SAMD12: variants seen among roughly 807,000 people sequenced by gnomAD.
SAMD12 encodes the protein sterile alpha motif domain containing 12, also known as sterile alpha motif domain-containing protein 12.
Under a neutral mutation model 15.0 loss-of-function variants are expected in SAMD12, and 9 were observed. The ratio of observed to expected loss-of-function variants is 0.60; its 90% CI spans 0.36 to 1.05. The LOEUF (loss-of-function observed/expected upper bound fraction) is 1.05. Among genes scored for constraint, SAMD12 ranks in the 50% least tolerant of loss-of-function variants. SAMD12 has a pLI of 0.01. For synonymous variants in SAMD12, 86 were observed against 90.1 expected (o/e 0.96, Z 0.25); for missense variants, 230 against 234.2 (o/e 0.98, Z 0.12).
intron 4 of SAMD12, among the ~76,000 whole-genome samples, chr8:118,309,356 T>G (rs1815512790): frequency 6.9e-6 from 1 of 144,298 alleles, no homozygotes; most frequent in East Asian, 1.9e-4. Context: ...TATTCAATGG[T>G]GTATATATAT....
intron 2 of SAMD12, among the ~76,000 whole-genome samples, chr8:118,450,381 C>A (rs1167404901): frequency 1.3e-5 from 2 of 152,144 alleles, no homozygotes; most frequent in Non-Finnish European, 2.9e-5. Context: ...GAGAGGATCA[C>A]ACTGTACTTT....
Position 118,356,427 on chromosome 8 carries a change from G to A in SAMD12, c.433+23133C>T, listed in dbSNP as rs183114149. 5.3e-5 allele frequency among the ~76,000 whole-genome samples: 8 copies of A among 152,246 alleles called. No homozygotes were observed. The East Asian group carries it at 1.2e-3, about 22-fold the overall frequency. On this transcript the variant is annotated intron_variant, in intron 4 of 4. Coordinates refer to the SAMD12 transcript ENST00000409003. ...GCTTTTCCCTCTCAAGCCCTTTTCT[G>A]ATATTCATGCGAACAAACCTTCATG... is the stretch of plus-strand genomic sequence containing the variant.
At chr8:118,407,710 T>G (rs899331537) in intron 3 of SAMD12, among the ~76,000 whole-genome samples, 5 of 152,186 alleles carry the variant, frequency 3.3e-5, no homozygotes, top group Non-Finnish European at 5.9e-5. Flanking sequence ...TTCCCATTGC[T>G]GCTTCCAGAT....
intron 4 of SAMD12, among the ~76,000 whole-genome samples, chr8:118,202,610 T>C (rs1457240936): frequency 6.6e-6 from 1 of 151,996 alleles, no homozygotes; most frequent in Non-Finnish European, 1.5e-5. Context: ...GAAGGATTGT[T>C]GTGTGTGGAG....
the SAMD12 span, among the ~76,000 whole-genome samples, chr8:118,152,460 C>CTTCT: frequency 1.4e-5 from 1 of 69,260 alleles, no homozygotes; most frequent in African/African-American, 4.0e-5. Context: ...CCCTCCCTAC[C>CTTCT]TTCCTTCCTT....
chr8:118,468,054 T>C (rs1236764323), intron 2 of SAMD12, among the ~76,000 whole-genome samples: 1 of 152,134 alleles, frequency 6.6e-6, no homozygotes, highest in African/African-American at 2.4e-5. Context: ...AAACCACAAA[T>C]CTTACTTTGT....
At chr8:118,558,714 A>G (rs1040865390) in intron 2 of SAMD12, among the ~76,000 whole-genome samples, 5 of 151,952 alleles carry the variant, frequency 3.3e-5, no homozygotes, top group African/African-American at 7.3e-5. Flanking sequence ...GCGTGCCACC[A>G]CGCCCGGCTA....
intron 4 of SAMD12, among the ~76,000 whole-genome samples, chr8:118,369,096 C>T (rs1818946427): frequency 6.6e-6 from 1 of 152,130 alleles, no homozygotes; most frequent in Non-Finnish European, 1.5e-5. Context: ...ATCTCTAGTA[C>T]CTCACACAAA....
chr8:118,165,236 G>A, the SAMD12 span, among the ~76,000 whole-genome samples: 7 of 152,158 alleles, frequency 4.6e-5, no homozygotes, highest in South Asian at 1.5e-3. Flanking sequence ...ATGATGATTT[G>A]CTAGAATGTC....
intron 4 of SAMD12, among the ~76,000 whole-genome samples, chr8:118,265,906 TAA>T (rs1813184991): frequency 6.6e-6 from 1 of 152,052 alleles, no homozygotes; most frequent in Admixed American, 6.6e-5. Context: ...TCATACAATA[TAA>T]GACAATAAGG....
In SAMD12 at chr8:118,597,424, G is replaced by A. The variant is rs973069806; in HGVS notation, c.14-16531C>T. On this transcript the variant is annotated intron_variant, in intron 1 of 3. Coordinates refer to ENST00000314727, the MANE Select transcript of SAMD12 (RefSeq NM_207506.3). ...GTGACAAAACTCTGGTAATGTCAGTGAGGATTTAGAGAAACAGATGTTTGA... is the reference window on the plus strand; with the variant it reads ...GTGACAAAACTCTGGTAATGTCAGTAAGGATTTAGAGAAACAGATGTTTGA... Among the ~76,000 whole-genome samples, 3 of 152,346 alleles carry A rather than the reference G, an allele frequency of 2.0e-5. No individual in the cohort carries two copies. The East Asian group carries it at 5.8e-4, about 29-fold the overall frequency.
At chr8:118,299,563 CA>C (rs1814907991) in intron 4 of SAMD12, among the ~76,000 whole-genome samples, 1 of 152,100 alleles carries the variant, frequency 6.6e-6, no homozygotes, top group Non-Finnish European at 1.5e-5. Context: ...TAGAGGGAAG[CA>C]AGGCAGAGCT....
At chr8:118,515,400 C>T (rs1825214337) in intron 2 of SAMD12, among the ~76,000 whole-genome samples, 2 of 152,012 alleles carry the variant, frequency 1.3e-5, no homozygotes, top group South Asian at 4.2e-4. Context: ...TGAAAGTTTC[C>T]TGAAGCTTCC....
intron 2 of SAMD12, among the ~76,000 whole-genome samples, chr8:118,566,714 AG>A (rs1200247420): frequency 1.3e-5 from 2 of 152,222 alleles, no homozygotes; most frequent in Non-Finnish European, 2.9e-5. Flanking sequence ...GATCCAAACC[AG>A]AGAGACTGTT....
chr8:118,590,856 A>G (rs1264099971), intron 1 of SAMD12, among the ~76,000 whole-genome samples: 1 of 152,250 alleles, frequency 6.6e-6, no homozygotes, highest in Non-Finnish European at 1.5e-5. Context: ...CAGCTATACT[A>G]AAAATGCTTC....
intron 2 of SAMD12, among the ~76,000 whole-genome samples, chr8:118,474,348 C>G (rs568261912): frequency 1.3e-5 from 2 of 152,120 alleles, no homozygotes; most frequent in East Asian, 1.9e-4. Context: ...CTAATGAACA[C>G]CTAAATCAGT....
At chr8:118,547,378 C>A (rs1165199966) in intron 2 of SAMD12, among the ~76,000 whole-genome samples, 1 of 152,030 alleles carries the variant, frequency 6.6e-6, no homozygotes, top group Non-Finnish European at 1.5e-5. Flanking sequence ...TAGTTTCTCC[C>A]CTCTGTTATC....
chr8:118,172,950 T>C, the SAMD12 span, among the ~76,000 whole-genome samples: 1 of 152,216 alleles, frequency 6.6e-6, no homozygotes, highest in Admixed American at 6.5e-5. Context: ...TCTCTGCTTC[T>C]AGGAATTTGA....
intron 3 of SAMD12, among the ~76,000 whole-genome samples, chr8:118,405,473 T>A (rs1219390537): frequency 2.0e-5 from 3 of 152,144 alleles, no homozygotes. Context: ...GCAAAAGCGA[T>A]CTACAGTGGC....
Sources: gnomAD v4.1 joint callset for allele counts (sites outside exome capture counted in the v4.1 genomes callset) on GRCh38, gnomAD v4.1.1 for gene constraint, MANE v1.5 for transcripts, NCBI Gene and HGNC (gene_info 2026-07-23, HGNC 2026-07-21) for gene names.